Variants in ASAP1 observed in about 807,000 individuals in gnomAD.
ASAP1 encodes the protein arf-GAP with SH3 domain, ANK repeat and PH domain-containing protein 1.
Under a neutral mutation model 145.2 loss-of-function variants are expected in ASAP1, and 43 were observed. The observed-to-expected ratio is 0.30, with a 90% CI of 0.23 to 0.38. ASAP1 has a LOEUF of 0.38. Ranked by LOEUF, ASAP1 falls within the 10% of genes least tolerant of loss-of-function variation. The pLI, the probability that ASAP1 is intolerant of heterozygous loss-of-function variation, is 1.00. For missense variants in ASAP1, 1,018 were observed against 1,355.3 expected (o/e 0.75, Z 3.91); for synonymous variants, 546 against 515.5 (o/e 1.06, Z -0.80).
Position 130,238,033 on chromosome 8 carries a change from A to G in ASAP1, c.187-1039T>C, listed in dbSNP as rs185949681. 1.2e-4 allele frequency among the ~76,000 whole-genome samples: 18 copies of G among 152,276 alleles called. No individual in the cohort carries two copies. In the East Asian group the frequency reaches 2.7e-3, roughly 23 times the overall value. On this transcript the variant is annotated intron_variant, in intron 3 of 29. Transcript: ENST00000518721. The stretch of plus-strand genomic sequence containing the variant: ...CTAAACCTCAGAACTTCAGACCAGA[A>G]AACTGAAGCCCACAGAGGCTAAGTA...
At chr8:130,433,054 T>C (rs1241217993) in intron 1 of ASAP1, among the ~76,000 whole-genome samples, 1 of 152,168 alleles carries the variant, frequency 6.6e-6, no homozygotes, top group Admixed American at 6.5e-5. Flanking sequence ...CCTGCTGCCA[T>C]TCTATTTTAG....
chr8:130,431,402 C>T (rs1830129811), intron 1 of ASAP1, among the ~76,000 whole-genome samples: 1 of 152,206 alleles, frequency 6.6e-6, no homozygotes, highest in South Asian at 2.1e-4. Flanking sequence ...CTGACCTCAA[C>T]ACATCCTACC....
intron 11 of ASAP1, 73 bp downstream of exon 11, chr8:130,167,463 A>T (rs1418924603): frequency 1.0e-5 from 12 of 1,192,846 alleles, no homozygotes; most frequent in Non-Finnish European, 1.5e-5. Flanking sequence ...CTTGCAGATC[A>T]GGAAACACAA....
chr8:130,110,273 ACT>A (rs775543835), intron 24 of ASAP1, among the ~76,000 whole-genome samples: 10 of 151,868 alleles, frequency 6.6e-5, no homozygotes, highest in Non-Finnish European at 1.2e-4. Context: ...CATTTTCAGG[ACT>A]CTCAATGACC....
intron 2 of ASAP1, among the ~76,000 whole-genome samples, chr8:130,390,939 G>T (rs28668341): frequency 7.0e-6 from 1 of 141,872 alleles, no homozygotes; most frequent in African/African-American, 2.9e-5. Flanking sequence ...TATATCCCCC[G>T]CCCCCCCAAA....
At chr8:130,059,103 G>A (rs1347698930) in intron 28 of ASAP1, among the ~76,000 whole-genome samples, 1 of 152,068 alleles carries the variant, frequency 6.6e-6, no homozygotes. Flanking sequence ...CCAACCTACA[G>A]GAAGATGGGT....
intron 7 of ASAP1, among the ~76,000 whole-genome samples, chr8:130,184,510 C>T (rs1814586484): frequency 1.3e-5 from 2 of 152,168 alleles, no homozygotes; most frequent in African/African-American, 2.4e-5. Flanking sequence ...TGTAAAGAAC[C>T]CTGTACCATT....
intron 3 of ASAP1, among the ~76,000 whole-genome samples, chr8:130,277,915 A>C (rs961479712): frequency 6.6e-6 from 1 of 152,142 alleles, no homozygotes. Context: ...AGTGGCAGGG[A>C]GCCTCTCGGG....
intron 3 of ASAP1, among the ~76,000 whole-genome samples, chr8:130,316,701 G>GGTGAGAT (rs1565201453): frequency 6.6e-6 from 1 of 152,200 alleles, no homozygotes; most frequent in Non-Finnish European, 1.5e-5. Context: ...TGCTGAGGAA[G>GGTGAGAT]GTGAGATCAA....
intron 3 of ASAP1, among the ~76,000 whole-genome samples, chr8:130,321,765 C>G (rs1015168576): frequency 2.0e-5 from 3 of 152,120 alleles, no homozygotes; most frequent in Non-Finnish European, 4.4e-5. Context: ...AGAAAGATAC[C>G]ACGTTTGTCT....
At chr8:130,382,731 G>C (rs552380899) in intron 2 of ASAP1, among the ~76,000 whole-genome samples, 1 of 152,182 alleles carries the variant, frequency 6.6e-6, no homozygotes, top group African/African-American at 2.4e-5. Context: ...TGTAATCCCA[G>C]CTACTCAGGA....
At chr8:130,078,025 T>C (rs901334499) in intron 26 of ASAP1, among the ~76,000 whole-genome samples, 15 of 151,442 alleles carry the variant, frequency 9.9e-5, no homozygotes, top group Admixed American at 4.6e-4. Flanking sequence ...GAAGTCTCGC[T>C]GTCACCTAGG....
At chr8:130,236,141 C>T (rs1036791091) in intron 4 of ASAP1, among the ~76,000 whole-genome samples, 4 of 152,076 alleles carry the variant, frequency 2.6e-5, no homozygotes, top group Non-Finnish European at 5.9e-5. Flanking sequence ...TGCTGCCTTC[C>T]CTTCCAGGTT....
chr8:130,202,410 C>T (rs972406027), intron 5 of ASAP1, among the ~76,000 whole-genome samples: 1 of 152,174 alleles, frequency 6.6e-6, no homozygotes, highest in Non-Finnish European at 1.5e-5. Context: ...AGCAATCTCT[C>T]ACATAGAAAA....
intron 1 of ASAP1, among the ~76,000 whole-genome samples, chr8:130,431,449 A>T (rs1830131806): frequency 6.6e-6 from 1 of 152,116 alleles, no homozygotes; most frequent in African/African-American, 2.4e-5. Flanking sequence ...AACCACTTGT[A>T]ATTTCCAGCA....
intron 13 of ASAP1, among the ~76,000 whole-genome samples, chr8:130,143,760 A>T (rs967718601): frequency 2.0e-5 from 3 of 152,226 alleles, no homozygotes; most frequent in African/African-American, 7.2e-5. Context: ...TAAACACCGC[A>T]CATTTGTCTT....
chr8:130,076,235 C>T, intron 27 of ASAP1, 113 bp downstream of exon 27: 1 of 652,848 alleles, frequency 1.5e-6, no homozygotes, highest in Non-Finnish European at 2.6e-6. Flanking sequence ...ATGCCAGGTG[C>T]TGCTCTAGGC....
intron 2 of ASAP1, among the ~76,000 whole-genome samples, chr8:130,380,441 C>T (rs1164782520): frequency 6.6e-6 from 1 of 152,162 alleles, no homozygotes; most frequent in African/African-American, 2.4e-5. Flanking sequence ...GAGCAGCAGC[C>T]TGAGGGTTTG....
intron 2 of ASAP1, among the ~76,000 whole-genome samples, chr8:130,363,524 A>G (rs998992778): frequency 5.9e-5 from 9 of 152,296 alleles, no homozygotes; most frequent in Non-Finnish European, 1.2e-4. Flanking sequence ...ATTTATCCCA[A>G]ACTTACCAGA....
Sources: gnomAD v4.1 joint callset for allele counts (sites outside exome capture counted in the v4.1 genomes callset) on GRCh38, gnomAD v4.1.1 for gene constraint, MANE v1.5 for transcripts, NCBI Gene and HGNC (gene_info 2026-07-23, HGNC 2026-07-21) for gene names.